The following SLC22A12 variants were observed in gnomAD, a reference collection of about 807,000 sequenced individuals.
The protein encoded by SLC22A12 is solute carrier family 22 member 12, also known as organic anion transporter 4-like protein.
SLC22A12 carries 56 observed loss-of-function variants against 52.7 expected under a neutral mutation model. The ratio of observed to expected loss-of-function variants is 1.06; its 90% confidence interval spans 0.86 to 1.33. The LOEUF is 1.33. SLC22A12 is among the 40% of genes most tolerant of loss of function. The probability of loss-of-function intolerance (pLI) is 0.00; values close to 1 mark genes in which losing one functional copy is unlikely to be tolerated. For synonymous variants in SLC22A12, 337 were observed against 324.6 expected (o/e 1.04, Z -0.41); for missense variants, 683 against 741.5 (o/e 0.92, Z 0.92).
rs775374446 is a variant in SLC22A12 at position 64,593,578 on chromosome 11, G to A, written c.661+19G>A. The A allele has an allele frequency of 1.2e-5, 20 of 1,614,004 alleles. No homozygotes were observed. Among genetic ancestry groups the A allele is most frequent in the East Asian group, 2.2e-5 (1 of 44,902 alleles). On this transcript the variant is annotated intron_variant, in intron 3 of 9. Coordinates refer to ENST00000377574, the MANE Select transcript of SLC22A12 (RefSeq NM_144585.4). Reference sequence around the variant, plus strand: ...ACTCTCCGTAGGTCTCTGACCTGGCGCCATGCAGGGGGGCTCCATGCAGGC... The same window carrying A: ...ACTCTCCGTAGGTCTCTGACCTGGCACCATGCAGGGGGGCTCCATGCAGGC...
At chr11:64,594,595 G>A (rs1368239491) in intron 4 of SLC22A12, among the ~76,000 whole-genome samples, 2 of 152,166 alleles carry the variant, frequency 1.3e-5, no homozygotes, top group Non-Finnish European at 2.9e-5. Context: ...GTGAGTTGGT[G>A]GATAGATGGA....
chr11:64,600,791 C>G lies in SLC22A12; in HGVS notation c.1451C>G (p.Pro484Arg). Residue 484 changes from proline to arginine, a missense_variant, in exon 9 of 10, where the codon CCT (proline) becomes CGT (arginine). By Grantham distance (103) the Pro-to-Arg change is moderately radical. Transcript: ENST00000377574. ...MAARGGAILG[P>R]LVRLLGVHGP... is the part of the protein sequence containing the mutation. ...GCCCGTGGAGGAGCCATCCTGGGGC[C>G]TCTGGTCCGGCTGCTGGGTGTCCAT... 1 of 1,606,070 alleles carries G rather than the reference C, an allele frequency of 6.2e-7. No homozygotes were observed. The highest frequency in any genetic ancestry group is 8.5e-7 in the Non-Finnish European group (1 of 1,179,928).
Position 64,591,532 on chromosome 11 carries a change from C to T in SLC22A12, c.-25C>T. On this transcript the variant is annotated 5_prime_UTR_variant, in exon 1 of 10. Coordinates refer to ENST00000377574, the MANE Select transcript of SLC22A12 (RefSeq NM_144585.4). ...GCCAGCCTTTGTGAAGTGGGCCCCT[C>T]TTCTGGGCCCCTTGAGTAGGTTCCA... The T allele has an allele frequency of 6.2e-7, 1 of 1,608,658 alleles. No homozygotes were observed. Among genetic ancestry groups the T allele is most frequent in the Non-Finnish European group, 8.5e-7 (1 of 1,179,988 alleles).
intron 8 of SLC22A12, 38 bp downstream of exon 8, chr11:64,600,513 G>T: frequency 6.5e-7 from 1 of 1,532,434 alleles, no homozygotes. Flanking sequence ...GGGGAGCCCT[G>T]GGCTGAGCTG....
intron 4 of SLC22A12, among the ~76,000 whole-genome samples, chr11:64,595,137 T>TGGA (rs2039090653): frequency 7.6e-4 from 20 of 26,302 alleles, no homozygotes; most frequent in South Asian, 4.7e-3. Context: ...GGATGGATGG[T>TGGA]TGAATGGATG....
rs199535450 is a variant in SLC22A12, at chr11:64,601,501, G to A, written c.1612G>A (p.Ala538Thr). Residue 538 changes from alanine to threonine, a missense_variant, in exon 10 of 10, where the codon GCA (alanine) becomes ACA (threonine). Coordinates refer to ENST00000377574, the MANE Select transcript of SLC22A12 (RefSeq NM_144585.4). ...QDVQNQAVKK[A>T]THGTLGNSVL... is the part of the protein sequence containing the mutation. ...CTTCCTGAACAGGGCAGTAAAGAAG[G>A]CAACACATGGCACGCTGGGGAACTC... 4.1e-4 allele frequency: 664 copies of A among 1,613,822 alleles called. No individual in the cohort carries two copies. The highest frequency in any genetic ancestry group is 5.2e-4 in the Admixed American group (31 of 60,010).
At chr11:64,594,682 C>CGGATGGATGGATGGATGGAT (rs200147816) in intron 4 of SLC22A12, among the ~76,000 whole-genome samples, 5 of 135,062 alleles carry the variant, frequency 3.7e-5, no homozygotes, top group African/African-American at 1.4e-4. Flanking sequence ...GATGGATGGA[C>CGGATGGATGGATGGATGGAT]GGATGGATGG....
At position 64,601,841 on chromosome 11, in the gene SLC22A12, AG is replaced by A. The variant is rs398048295; in HGVS notation, c.*294del. ...TTCGGAGAGCAGAGGGGTCAGGCCC[AG>A]GGGAACGAGCTGGCCTTGCCAACCC... On this transcript the variant is annotated 3_prime_UTR_variant, in exon 10 of 10. Coordinates refer to ENST00000377574, the MANE Select transcript of SLC22A12 (RefSeq NM_144585.4). 55,970 of 430,060 alleles carry A rather than the reference AG, an allele frequency of 0.13. 4,688 individuals carry two copies. The highest frequency in any genetic ancestry group is 0.31 in the East Asian group (6,098 of 19,838). The allele number at this position is 430,060 out of a possible 1,614,324, so 26.6% of individuals were successfully genotyped here.
intron 2 of SLC22A12, 137 bp from the exon 3 acceptor site, chr11:64,593,268 A>G: frequency 1.1e-5 from 15 of 1,352,436 alleles, no homozygotes; most frequent in Non-Finnish European, 1.6e-5. Flanking sequence ...TGGAGAATGT[A>G]GGTTTCACCC....
At chr11:64,595,616 GGATGGATA>G (rs1444692459) in intron 4 of SLC22A12, among the ~76,000 whole-genome samples, 2 of 147,732 alleles carry the variant, frequency 1.4e-5, no homozygotes, top group Admixed American at 6.7e-5. Flanking sequence ...ATGGTTGAAT[GGATGGATA>G]GATGGATGGA....
At chr11:64,600,057 G>C (rs1296597201) in intron 7 of SLC22A12, among the ~76,000 whole-genome samples, 167 bp downstream of exon 7, 1 of 152,210 alleles carries the variant, frequency 6.6e-6, no homozygotes, top group Non-Finnish European at 1.5e-5. Context: ...GAGCCAGCAA[G>C]AGCGGTGAAG....
intron 5 of SLC22A12, 55 bp downstream of exon 5, chr11:64,598,694 A>G (rs1039575766): frequency 2.5e-6 from 4 of 1,600,098 alleles, no homozygotes; most frequent in East Asian, 2.3e-5. Context: ...CTGCCCCTGC[A>G]TAGGGCACCC....
chr11:64,601,647 G>A lies in SLC22A12; in HGVS notation c.*96G>A. 7.1e-7 allele frequency: 1 copy of A among 1,400,842 alleles called. No homozygotes were observed. The highest frequency in any genetic ancestry group is 9.9e-7 in the Non-Finnish European group (1 of 1,005,816). 86.8% of individuals were successfully genotyped at this position (1,400,842 alleles called of 1,614,324 possible). On this transcript the variant is annotated 3_prime_UTR_variant, in exon 10 of 10. Transcript: ENST00000377574. ...AAAGCAAAGACCTCCATTTCCAGAG[G>A]CCCAGAGGCTGCCCTCTGAGGTCCC...
chr11:64,597,013 G>T (rs1053998980), intron 4 of SLC22A12, among the ~76,000 whole-genome samples: 2 of 152,174 alleles, frequency 1.3e-5, no homozygotes, highest in Admixed American at 6.5e-5. Context: ...CAGATATGTG[G>T]TCTCTGCCCA....
chr11:64,594,950 A>ATGGG (rs2039059663), intron 4 of SLC22A12, among the ~76,000 whole-genome samples: 1 of 122,550 alleles, frequency 8.2e-6, no homozygotes, highest in Admixed American at 8.5e-5. Context: ...GGATGGATGG[A>ATGGG]TGGATGGATG....
At chr11:64,599,600 G>GCC in intron 6 of SLC22A12, 76 bp from the exon 7 acceptor site, 1 of 141,256 alleles carries the variant, frequency 7.1e-6, no homozygotes, top group Non-Finnish European at 1.1e-5. Flanking sequence ...AGCCCCCACC[G>GCC]CCCATTGTTC....
intron 4 of SLC22A12, among the ~76,000 whole-genome samples, chr11:64,595,246 ATGG>A (rs1177124559): frequency 1.0e-3 from 92 of 89,488 alleles, no homozygotes; most frequent in East Asian, 2.5e-3. Flanking sequence ...GGATGGATGG[ATGG>A]ATGGAATGGA....
At chr11:64,592,088 C>T in intron 1 of SLC22A12, 130 bp downstream of exon 1, 2 of 1,412,050 alleles carry the variant, frequency 1.4e-6, no homozygotes, top group Non-Finnish European at 1.9e-6. Flanking sequence ...TCTCGAGCCT[C>T]TCAGCCCCTC....
rs563903194 is a variant in SLC22A12, at chr11:64,601,382, C to T, written c.1599-106C>T. ...GCTCGGGAGCTCAGTTCTGGGCCCCCGAGAGCAGGGTGGTGGCATTCCCTG... is the reference window on the plus strand; with the variant it reads ...GCTCGGGAGCTCAGTTCTGGGCCCCTGAGAGCAGGGTGGTGGCATTCCCTG... On this transcript the variant is annotated intron_variant, in intron 9 of 9. Coordinates refer to ENST00000377574, the MANE Select transcript of SLC22A12 (RefSeq NM_144585.4). The T allele has an allele frequency of 2.9e-5, 34 of 1,189,284 alleles. No individual in the cohort carries two copies. The African/African-American group carries it at 3.0e-4, about 11-fold the overall frequency. The allele number at this position is 1,189,284 out of a possible 1,614,324, so 73.7% of individuals were successfully genotyped here.
Sources: gnomAD v4.1 joint callset for allele counts (sites outside exome capture counted in the v4.1 genomes callset) on GRCh38, gnomAD v4.1.1 for gene constraint, MANE v1.5 for transcripts, NCBI Gene and HGNC (gene_info 2026-07-23, HGNC 2026-07-21) for gene names.